Variants in TNRC6A observed in about 807,000 individuals in gnomAD.
TNRC6A encodes trinucleotide repeat-containing gene 6A protein.
TNRC6A carries 44 observed loss-of-function variants against 221.2 expected under a neutral mutation model. The observed-to-expected ratio is 0.20, with a 90% confidence interval of 0.16 to 0.26. The LOEUF (loss-of-function observed/expected upper bound fraction) is 0.26, where lower values mean the gene tolerates loss of function less well. Among genes scored for constraint, TNRC6A ranks in the 10% least tolerant of loss-of-function variants. The pLI, the probability that TNRC6A is intolerant of heterozygous loss-of-function variation, is 1.00. For synonymous variants in TNRC6A, 847 were observed against 838.5 expected (o/e 1.01, Z -0.18); for missense variants, 2,199 against 2,404.4 (o/e 0.91, Z 1.79).
intron 2 of TNRC6A, among the ~76,000 whole-genome samples, chr16:24,703,805 C>T (rs9302426): frequency 0.5 from 76,256 of 151,604 alleles, 20,726 homozygotes; most frequent in East Asian, 0.86. Flanking sequence ...TTTTTTTGGC[C>T]GGGCGTGGTG....
At chr16:24,793,689 T>C in intron 7 of TNRC6A, 40 bp downstream of exon 7, 1 of 1,339,568 alleles carries the variant, frequency 7.5e-7, no homozygotes, top group Non-Finnish European at 9.7e-7. Flanking sequence ...TATGTAGCAG[T>C]GGCGAACACT....
chr16:24,698,995 C>A (rs999242073), intron 2 of TNRC6A, among the ~76,000 whole-genome samples: 3 of 152,242 alleles, frequency 2.0e-5, no homozygotes, highest in Admixed American at 6.5e-5. Context: ...AGGGGTGTGC[C>A]AACACTCCTG....
At chr16:24,751,745 C>T (rs1347028726) in intron 3 of TNRC6A, among the ~76,000 whole-genome samples, 1 of 152,064 alleles carries the variant, frequency 6.6e-6, no homozygotes, top group Non-Finnish European at 1.5e-5. Context: ...TAGACTATAG[C>T]AAGATACTTA....
In TNRC6A at chr16:24,788,204, C is replaced by T. The variant is rs192225909; in HGVS notation, c.590-1028C>T. On this transcript the variant is annotated intron_variant, in intron 5 of 24. Transcript: ENST00000395799. ...TGTATGACTGGTCATTAAACATCTCCAGTGTCAGCATTTGATTTTTTGAGA... is the reference window on the plus strand; with the variant it reads ...TGTATGACTGGTCATTAAACATCTCTAGTGTCAGCATTTGATTTTTTGAGA... 3.9e-5 allele frequency among the ~76,000 whole-genome samples: 6 copies of T among 152,324 alleles called. 1 individual carries two copies. The highest frequency in any genetic ancestry group is 3.9e-4 in the Admixed American group (6 of 15,308).
Position 24,813,236 on chromosome 16 carries a change from C to T in TNRC6A, c.4673-1911C>T, listed in dbSNP as rs1309474447. ...TGTTTTTATACAGGTATATTGCATA[C>T]TGCTAGAGATATATTGCATACTGGT... On this transcript the variant is annotated intron_variant, in intron 18 of 24. Coordinates refer to ENST00000395799, the MANE Select transcript of TNRC6A (RefSeq NM_014494.4). Among the ~76,000 whole-genome samples the T allele has an allele frequency of 2.0e-5, 3 of 152,130 alleles. No homozygotes were observed. The East Asian group carries it at 5.8e-4, about 29-fold the overall frequency.
At chr16:24,710,263 A>G (rs1158699714) in intron 2 of TNRC6A, among the ~76,000 whole-genome samples, 1 of 152,104 alleles carries the variant, frequency 6.6e-6, no homozygotes, top group Non-Finnish European at 1.5e-5. Context: ...AACTAACATA[A>G]AAGTTCAAAG....
intron 3 of TNRC6A, among the ~76,000 whole-genome samples, chr16:24,754,450 A>G (rs2057205605): frequency 6.6e-6 from 1 of 152,170 alleles, no homozygotes; most frequent in East Asian, 1.9e-4. Flanking sequence ...TTTTCATCAA[A>G]GATTATGTAT....
At position 24,730,249 on chromosome 16, in the gene TNRC6A, T is replaced by G; in HGVS notation, c.6-4T>G. 1.9e-6 allele frequency: 3 copies of G among 1,602,046 alleles called. 1 individual carries two copies. The highest frequency in any genetic ancestry group is 2.2e-5 in the South Asian group (2 of 89,846). On this transcript the variant is annotated splice_region_variant and splice_polypyrimidine_tract_variant and intron_variant, in intron 1 of 24. Transcript: ENST00000395799. ...TTGTTTTTGTTTTTGTTTTTTTGTT[T>G]CAGAGAATTGGAAGCTAAAGCTACC... is the stretch of plus-strand genomic sequence containing the variant.
intron 1 of TNRC6A, among the ~76,000 whole-genome samples, chr16:24,615,469 A>T (rs1354442843): frequency 1.3e-5 from 2 of 152,194 alleles, no homozygotes; most frequent in Non-Finnish European, 2.9e-5. Context: ...ATCAAAGAGA[A>T]GTGAGACTAG....
chr16:24,642,984 C>T (rs1013288659), intron 2 of TNRC6A, among the ~76,000 whole-genome samples: 5 of 149,704 alleles, frequency 3.3e-5, no homozygotes, highest in African/African-American at 1.2e-4. Flanking sequence ...TTCAAGGCTG[C>T]AATGAGCTAT....
chr16:24,644,600 G>T (rs988922820), intron 2 of TNRC6A, among the ~76,000 whole-genome samples: 10 of 150,246 alleles, frequency 6.7e-5, no homozygotes, highest in East Asian at 2.0e-4. Flanking sequence ...GGCTAATTTG[G>T]TTTTTTTTTG....
chr16:24,793,683 T>C, intron 7 of TNRC6A, 34 bp downstream of exon 7: 1 of 1,368,530 alleles, frequency 7.3e-7, no homozygotes, highest in Non-Finnish European at 9.5e-7. Flanking sequence ...AGCTGTTATG[T>C]AGCAGTGGCG....
intron 1 of TNRC6A, among the ~76,000 whole-genome samples, chr16:24,611,664 A>G (rs113075928): frequency 0.01 from 1,554 of 152,338 alleles, 35 homozygotes; most frequent in African/African-American, 0.036. Flanking sequence ...TGAGCGATTT[A>G]GTTCAATGTA....
At chr16:24,665,913 G>A (rs144314836) in intron 2 of TNRC6A, among the ~76,000 whole-genome samples, 12 of 152,308 alleles carry the variant, frequency 7.9e-5, no homozygotes, top group African/African-American at 2.6e-4. Flanking sequence ...GTTGGTGGTG[G>A]TGCGGGGCAG....
chr16:24,775,570 C>CAA (rs1216797911), intron 4 of TNRC6A, among the ~76,000 whole-genome samples: 3 of 152,064 alleles, frequency 2.0e-5, no homozygotes, highest in Non-Finnish European at 2.9e-5. Context: ...CTCAGGTGAC[C>CAA]AAGGCTTTAA....
intron 5 of TNRC6A, among the ~76,000 whole-genome samples, chr16:24,780,116 A>G (rs2057809099): frequency 6.6e-6 from 1 of 152,218 alleles, no homozygotes; most frequent in Non-Finnish European, 1.5e-5. Context: ...TATTGTTCTT[A>G]TAGGCCAAAG....
intron 4 of TNRC6A, among the ~76,000 whole-genome samples, chr16:24,765,323 G>T (rs1355882914): frequency 6.6e-6 from 1 of 152,118 alleles, no homozygotes; most frequent in African/African-American, 2.4e-5. Context: ...AATGATACTT[G>T]CAGGGCCATT....
At chr16:24,612,019 A>G (rs910092185) in intron 1 of TNRC6A, among the ~76,000 whole-genome samples, 3 of 152,326 alleles carry the variant, frequency 2.0e-5, no homozygotes, top group African/African-American at 7.2e-5. Flanking sequence ...GCTTGAGCCC[A>G]GGAGGCAGAA....
chr16:24,708,248 T>TG (rs971898221), intron 2 of TNRC6A, among the ~76,000 whole-genome samples: 14 of 151,164 alleles, frequency 9.3e-5, no homozygotes, highest in Non-Finnish European at 1.6e-4. Flanking sequence ...GGATGAGTTT[T>TG]TTTTTTTTTT....
Sources: allele counts gnomAD v4.1 joint callset (sites outside exome capture counted in the v4.1 genomes callset), GRCh38; gene constraint gnomAD v4.1.1; transcripts MANE v1.5; gene names NCBI Gene and HGNC (gene_info 2026-07-23, HGNC 2026-07-21).